The following NCKAP5 variants were observed in gnomAD, a reference collection of about 807,000 sequenced individuals.
The protein encoded by NCKAP5 is NCK associated protein 5, also known as nck-associated protein 5.
In NCKAP5, 92 loss-of-function variants were observed where a neutral mutation model predicts 167.0. The ratio of observed to expected loss-of-function variants is 0.55; its 90% CI spans 0.47 to 0.66. The LOEUF (loss-of-function observed/expected upper bound fraction) is 0.66, where lower values mean the gene tolerates loss of function less well. Among genes scored for constraint, NCKAP5 ranks in the 30% least tolerant of loss-of-function variants. The pLI is 0.00. For synonymous variants in NCKAP5, 891 were observed against 877.4 expected, an observed-to-expected ratio of 1.02 and a Z score of -0.27; for missense variants, 2,378 against 2,315.0, an observed-to-expected ratio of 1.03 and a Z score of -0.56.
chr2:132,770,157 G>A (rs1681901608), intron 16 of NCKAP5, among the ~76,000 whole-genome samples: 1 of 152,008 alleles, frequency 6.6e-6, no homozygotes, highest in Non-Finnish European at 1.5e-5. Context: ...CAAACTTATA[G>A]ATCCCAAGAG....
At chr2:132,860,359 C>A in intron 11 of NCKAP5, 133 bp downstream of exon 11, 1 of 1,076,224 alleles carries the variant, frequency 9.3e-7, no homozygotes, top group Non-Finnish European at 1.3e-6. Context: ...AATGACATAA[C>A]TTGAGAAAGG....
intron 11 of NCKAP5, among the ~76,000 whole-genome samples, chr2:132,824,901 T>G (rs954234188): frequency 6.6e-6 from 1 of 152,158 alleles, no homozygotes; most frequent in Non-Finnish European, 1.5e-5. Flanking sequence ...GAGAAAGAAA[T>G]AGACTTTTGT....
At chr2:133,421,604 A>G (rs1689484334) in intron 3 of NCKAP5, among the ~76,000 whole-genome samples, 5 of 152,194 alleles carry the variant, frequency 3.3e-5, no homozygotes, top group Admixed American at 3.3e-4. Context: ...AGCCATCTCC[A>G]AGCCACAGGC....
chr2:133,580,693 T>G, the NCKAP5 span, among the ~76,000 whole-genome samples: 12 of 152,214 alleles, frequency 7.9e-5, no homozygotes, highest in African/African-American at 2.9e-4. Flanking sequence ...TAATCACCTC[T>G]GAGTACCCTA....
the NCKAP5 span, among the ~76,000 whole-genome samples, chr2:133,633,323 G>T: frequency 6.6e-6 from 1 of 152,052 alleles, no homozygotes; most frequent in Non-Finnish European, 1.5e-5. Flanking sequence ...CAGAACGGCC[G>T]CTTGGCCTTT....
chr2:133,283,604 T>C (rs1208427729), intron 4 of NCKAP5, among the ~76,000 whole-genome samples: 1 of 148,302 alleles, frequency 6.7e-6, no homozygotes. Context: ...ATAATAAAGC[T>C]GAAAAGGATT....
chr2:133,605,997 T>C, the NCKAP5 span, among the ~76,000 whole-genome samples: 158 of 152,292 alleles, frequency 1.0e-3, no homozygotes, highest in Non-Finnish European at 1.8e-3. Flanking sequence ...TCTCTTTGCA[T>C]ATGCCACAAT....
Position 132,783,249 on chromosome 2 carries a change from A to C in NCKAP5, c.3562T>G (p.Ser1188Ala). The C allele has an allele frequency of 6.2e-7, 1 of 1,613,820 alleles. No individual in the cohort carries two copies. Among genetic ancestry groups the C allele is most frequent in the Non-Finnish European group, 8.5e-7 (1 of 1,179,862 alleles). Residue 1188 changes from serine (S) to alanine (A), a missense_variant, in exon 14 of 20, where the codon TCT (serine) becomes GCT (alanine). Around this residue, in one of 3 missense-constraint regions of NCKAP5, gnomAD observed 1,325 missense variants for 1,274.5 expected, o/e 1.04. Coordinates refer to ENST00000409261, the MANE Select transcript of NCKAP5 (RefSeq NM_207363.3). ...GGATTCTTGGAGTCCTCTGGCTTAGACTTGTTCACAGCCACGGAACTTTTG... is the reference window on the plus strand; with the variant it reads ...GGATTCTTGGAGTCCTCTGGCTTAGCCTTGTTCACAGCCACGGAACTTTTG... ...ASKSSVAVNK[S>A]KPEDSKNPAS...
At chr2:133,084,427 T>G (rs1245304396) in intron 6 of NCKAP5, among the ~76,000 whole-genome samples, 5 of 152,150 alleles carry the variant, frequency 3.3e-5, no homozygotes, top group African/African-American at 9.6e-5. Context: ...TGGATTCTAT[T>G]TACTGTGTGA....
intron 1 of NCKAP5, among the ~76,000 whole-genome samples, chr2:133,566,858 C>T (rs1688587726): frequency 6.6e-6 from 1 of 152,226 alleles, no homozygotes; most frequent in African/African-American, 2.4e-5. Context: ...AGCTCTAATA[C>T]ACAAAACATA....
At chr2:132,966,264 T>C (rs1025518341) in intron 7 of NCKAP5, among the ~76,000 whole-genome samples, 4 of 152,094 alleles carry the variant, frequency 2.6e-5, no homozygotes, top group Non-Finnish European at 5.9e-5. Flanking sequence ...CATGGCCAGC[T>C]AATTTTTGTA....
At chr2:133,389,068 A>C (rs1687213478) in intron 3 of NCKAP5, among the ~76,000 whole-genome samples, 3 of 152,180 alleles carry the variant, frequency 2.0e-5, no homozygotes, top group African/African-American at 7.2e-5. Context: ...GACAAGCCCC[A>C]GTGAGATGAA....
intron 4 of NCKAP5, chr2:133,268,917 A>G (rs1202946027): frequency 6.6e-6 from 1 of 152,240 alleles, no homozygotes; most frequent in Non-Finnish European, 1.5e-5. Flanking sequence ...CTCTTACAGA[A>G]TGAAGTATCA....
At chr2:132,685,252 G>A (rs921904393) in intron 19 of NCKAP5, among the ~76,000 whole-genome samples, 1 of 152,144 alleles carries the variant, frequency 6.6e-6, no homozygotes, top group Non-Finnish European at 1.5e-5. Context: ...GATAAATAAT[G>A]AGAAGGTCTC....
chr2:132,967,625 AT>A (rs1198407134), intron 7 of NCKAP5, among the ~76,000 whole-genome samples: 28 of 152,306 alleles, frequency 1.8e-4, no homozygotes, highest in African/African-American at 6.5e-4. Flanking sequence ...TGAGACAAAA[AT>A]TCAGATACAA....
chr2:133,371,557 A>C (rs1308201115), intron 3 of NCKAP5, among the ~76,000 whole-genome samples: 10 of 152,232 alleles, frequency 6.6e-5, no homozygotes, highest in Non-Finnish European at 1.5e-4. Context: ...CCTAGATAAT[A>C]GTCACAGTGT....
intron 6 of NCKAP5, among the ~76,000 whole-genome samples, chr2:133,124,155 G>T (rs1399479821): frequency 6.6e-6 from 1 of 152,210 alleles, no homozygotes; most frequent in Non-Finnish European, 1.5e-5. Context: ...CGGTGCCAGG[G>T]GAGAAGGTCA....
intron 8 of NCKAP5, among the ~76,000 whole-genome samples, chr2:132,925,191 A>C (rs1387356393): frequency 6.6e-6 from 1 of 152,070 alleles, no homozygotes; most frequent in Non-Finnish European, 1.5e-5. Flanking sequence ...CAGGCATTAG[A>C]TTCTTATAAG....
At chr2:132,755,848 A>G (rs1680500683) in intron 16 of NCKAP5, among the ~76,000 whole-genome samples, 1 of 100,952 alleles carries the variant, frequency 9.9e-6, no homozygotes, top group South Asian at 3.1e-4. Context: ...AAAATGCTAA[A>G]TGGCAAAATA....
Sources: allele counts gnomAD v4.1 joint callset (sites outside exome capture counted in the v4.1 genomes callset), GRCh38; gene constraint gnomAD v4.1.1; regional missense constraint gnomAD v4.1.1; transcripts MANE v1.5; gene names NCBI Gene and HGNC (gene_info 2026-07-23, HGNC 2026-07-21).